CNIH3: variants seen among roughly 807,000 people sequenced by gnomAD.
CNIH3 encodes protein cornichon homolog 3.
Under a neutral mutation model 24.1 loss-of-function variants are expected in CNIH3, and 14 were observed. The observed-to-expected ratio is 0.58, with a 90% CI of 0.38 to 0.91. The LOEUF is 0.91. Ranked by LOEUF, CNIH3 falls within the 40% of genes least tolerant of loss-of-function variation. The pLI, the probability that CNIH3 is intolerant of heterozygous loss-of-function variation, is 0.00. For missense variants in CNIH3, 178 were observed against 196.8 expected, an observed-to-expected ratio of 0.90 and a Z score of 0.57; for synonymous variants, 68 against 73.8, an observed-to-expected ratio of 0.92 and a Z score of 0.40.
intron 1 of CNIH3, among the ~76,000 whole-genome samples, chr1:224,660,554 T>G (rs1685302435): frequency 6.6e-6 from 1 of 152,218 alleles, no homozygotes; most frequent in Admixed American, 6.5e-5. Context: ...TTTGCGTTTC[T>G]TTGTTTTAAA....
upstream of CNIH3, among the ~76,000 whole-genome samples, chr1:224,511,873 A>T (rs1419253134): frequency 2.0e-5 from 3 of 151,544 alleles, no homozygotes; most frequent in African/African-American, 7.3e-5. Flanking sequence ...AATTTAAGAA[A>T]ATTTTTAAAA....
intron 4 of CNIH3, among the ~76,000 whole-genome samples, chr1:224,734,333 A>T (rs935969333): frequency 6.6e-6 from 1 of 152,142 alleles, no homozygotes; most frequent in Admixed American, 6.5e-5. Context: ...AGCTTTGTAT[A>T]TGGGTGAAAT....
At chr1:224,560,354 A>G (rs1310318024) in intron 3 of CNIH3, among the ~76,000 whole-genome samples, 1 of 151,930 alleles carries the variant, frequency 6.6e-6, no homozygotes, top group Non-Finnish European at 1.5e-5. Flanking sequence ...GCACATAGGA[A>G]CTTCTATTGC....
intron 1 of CNIH3, among the ~76,000 whole-genome samples, chr1:224,676,794 C>A (rs1292147443): frequency 1.3e-5 from 2 of 152,228 alleles, no homozygotes; most frequent in Non-Finnish European, 2.9e-5. Flanking sequence ...GATGATACTA[C>A]ACAGTGGGGC....
chr1:224,695,037 G>C lies in CNIH3; in HGVS notation c.198+10194G>C, dbSNP rs532920040. Among the ~76,000 whole-genome samples the C allele has an allele frequency of 1.2e-4, 18 of 152,186 alleles. No homozygotes were observed. In the East Asian group the frequency reaches 2.7e-3, roughly 23 times the overall value. The stretch of plus-strand genomic sequence containing the variant: ...CAAAATCTCAGAAATCACCACTAAA[G>C]AACTTATCCATGTAACCAAACACCA... On this transcript the variant is annotated intron_variant, in intron 3 of 5. Transcript: ENST00000272133.
chr1:224,737,798 TCTATC>T (rs1253379777), intron 5 of CNIH3, among the ~76,000 whole-genome samples: 1 of 152,208 alleles, frequency 6.6e-6, no homozygotes, highest in Non-Finnish European at 1.5e-5. Context: ...TGCTCTTTCT[TCTATC>T]CTGTTTGAAC....
At chr1:224,476,816 T>C (rs1416774010) in intron 1 of CNIH3, among the ~76,000 whole-genome samples, 3 of 152,178 alleles carry the variant, frequency 2.0e-5, no homozygotes, top group African/African-American at 2.4e-5. Flanking sequence ...AAAATTTATA[T>C]GAAACCACAA....
chr1:224,464,465 C>T lies in CNIH3; in HGVS notation n.203+29603C>T, dbSNP rs150206466. Among the ~76,000 whole-genome samples the T allele has an allele frequency of 3.1e-3, 474 of 152,218 alleles. 1 individual carries two copies. Among genetic ancestry groups the T allele is most frequent in the African/African-American group, 0.011 (437 of 41,524 alleles). Reference sequence around the variant, plus strand: ...AATTTTTGAATAGGTAATACTTTTCCGTGCCTGGCTTTAAGCTAATTTTTA... The same window carrying T: ...AATTTTTGAATAGGTAATACTTTTCTGTGCCTGGCTTTAAGCTAATTTTTA... On this transcript the variant is annotated intron_variant and non_coding_transcript_variant, in intron 1 of 5. Transcript: ENST00000471578.
At chr1:224,550,098 T>C (rs1679854965) in intron 3 of CNIH3, among the ~76,000 whole-genome samples, 1 of 152,098 alleles carries the variant, frequency 6.6e-6, no homozygotes, top group South Asian at 2.1e-4. Flanking sequence ...ACTGTAGATA[T>C]TATAGAAATA....
chr1:224,600,746 G>A (rs566747539), intron 3 of CNIH3, among the ~76,000 whole-genome samples: 105 of 152,296 alleles, frequency 6.9e-4, no homozygotes, highest in Non-Finnish European at 1.1e-3. Flanking sequence ...CCCAACCACC[G>A]ATGTAACTGT....
intron 1 of CNIH3, among the ~76,000 whole-genome samples, chr1:224,629,953 T>G (rs1427403167): frequency 1.3e-5 from 2 of 152,190 alleles, no homozygotes; most frequent in Non-Finnish European, 2.9e-5. Context: ...GGTTTTGCAT[T>G]AAGGTCTAGT....
intron 4 of CNIH3, chr1:224,574,686 G>A: frequency 8.9e-7 from 1 of 1,128,718 alleles, no homozygotes; most frequent in South Asian, 1.2e-5. Context: ...AGCGTACCAT[G>A]AGAAGGGCCT....
At chr1:224,632,510 A>G (rs570146179) in intron 1 of CNIH3, among the ~76,000 whole-genome samples, 11 of 152,078 alleles carry the variant, frequency 7.2e-5, no homozygotes, top group African/African-American at 2.7e-4. Context: ...TCCTTGTCCA[A>G]TGGGGTTCTA....
chr1:224,737,758 A>C (rs564492189), intron 5 of CNIH3, among the ~76,000 whole-genome samples: 441 of 152,304 alleles, frequency 2.9e-3, no homozygotes, highest in South Asian at 0.023. Context: ...GTCCCTGCTA[A>C]TAATTAGCAA....
intron 3 of CNIH3, among the ~76,000 whole-genome samples, chr1:224,597,296 C>T (rs932876616): frequency 3.3e-5 from 5 of 152,124 alleles, no homozygotes; most frequent in Admixed American, 6.5e-5. Flanking sequence ...TTTCTGTCTT[C>T]GAGCTGGCCA....
chr1:224,632,360 C>A (rs1171969535), intron 1 of CNIH3, among the ~76,000 whole-genome samples: 1 of 152,028 alleles, frequency 6.6e-6, no homozygotes, highest in African/African-American at 2.4e-5. Context: ...TGAACAGATA[C>A]CTAGGTTATC....
chr1:224,476,417 G>A (rs148203660), intron 1 of CNIH3, among the ~76,000 whole-genome samples: 1 of 152,260 alleles, frequency 6.6e-6, no homozygotes, highest in Non-Finnish European at 1.5e-5. Context: ...AAAATCAGTA[G>A]CATTTCTATA....
chr1:224,695,628 G>A (rs1687129405), intron 3 of CNIH3, among the ~76,000 whole-genome samples: 1 of 152,142 alleles, frequency 6.6e-6, no homozygotes, highest in South Asian at 2.1e-4. Flanking sequence ...CTCAACCCTT[G>A]CTGCTTCTAA....
At chr1:224,693,874 T>C (rs1017942262) in intron 3 of CNIH3, among the ~76,000 whole-genome samples, 1 of 152,282 alleles carries the variant, frequency 6.6e-6, no homozygotes, top group African/African-American at 2.4e-5. Context: ...TTTCAACATA[T>C]ATCTGCTTAA....
Sources: gnomAD v4.1 joint callset for allele counts (sites outside exome capture counted in the v4.1 genomes callset) on GRCh38, gnomAD v4.1.1 for gene constraint, MANE v1.5 for transcripts, NCBI Gene and HGNC (gene_info 2026-07-23, HGNC 2026-07-21) for gene names.